The following MARCHF3 variants were observed in gnomAD, a reference collection of about 807,000 sequenced individuals.
MARCHF3 encodes the protein E3 ubiquitin-protein ligase MARCHF3.
A neutral mutation model predicts 24.2 loss-of-function variants in MARCHF3; 13 were observed. That is an observed-to-expected ratio of 0.54 (90% CI 0.35 to 0.85). The LOEUF is 0.85. Among genes scored for constraint, MARCHF3 ranks in the 40% least tolerant of loss-of-function variants. The probability of loss-of-function intolerance (pLI) is 0.01; values close to 1 mark genes in which losing one functional copy is unlikely to be tolerated. For synonymous variants in MARCHF3, 144 were observed against 137.3 expected (o/e 1.05, Z -0.34); for missense variants, 276 against 325.0 (o/e 0.85, Z 1.16).
intron 1 of MARCHF3, among the ~76,000 whole-genome samples, chr5:126,933,927 T>C (rs1367592426): frequency 6.6e-6 from 1 of 152,230 alleles, no homozygotes; most frequent in South Asian, 2.1e-4. Context: ...CTTGTGTATC[T>C]ACAAATGATT....
chr5:126,951,428 C>G (rs1483218686), intron 1 of MARCHF3, among the ~76,000 whole-genome samples: 3 of 152,172 alleles, frequency 2.0e-5, no homozygotes, highest in Non-Finnish European at 4.4e-5. Context: ...GTCCAACTGT[C>G]TATTTAACAT....
chr5:126,894,094 C>A (rs1358163960), intron 3 of MARCHF3, among the ~76,000 whole-genome samples: 5 of 141,798 alleles, frequency 3.5e-5, no homozygotes, highest in Non-Finnish European at 7.5e-5. Flanking sequence ...TCCGTTTTAT[C>A]AGAGACTAGG....
rs1325173875 is a variant in MARCHF3 at position 126,869,949 on chromosome 5, A to G, written c.*684T>C. 6.6e-6 allele frequency: 1 copy of G among 152,472 alleles called. No homozygotes were observed. Among genetic ancestry groups the G allele is most frequent in the Non-Finnish European group, 1.5e-5 (1 of 68,024 alleles). 9.4% of individuals were successfully genotyped at this position (152,472 alleles called of 1,614,324 possible). On this transcript the variant is annotated 3_prime_UTR_variant, in exon 5 of 5. Coordinates refer to ENST00000308660, the MANE Select transcript of MARCHF3 (RefSeq NM_178450.5). Reference sequence around the variant, plus strand: ...AGTTGAAAGGAGCGAGCTTCTCACCATATTTTTTTTTCTCCTTAATGATAT... The same window carrying G: ...AGTTGAAAGGAGCGAGCTTCTCACCGTATTTTTTTTTCTCCTTAATGATAT...
intron 3 of MARCHF3, among the ~76,000 whole-genome samples, chr5:126,893,610 T>C (rs1250627070): frequency 6.6e-6 from 1 of 150,794 alleles, no homozygotes; most frequent in Non-Finnish European, 1.5e-5. Context: ...TTGAGTGAGA[T>C]TCTTAACCCT....
At chr5:126,926,668 G>A (rs1749306918) in intron 1 of MARCHF3, among the ~76,000 whole-genome samples, 1 of 152,068 alleles carries the variant, frequency 6.6e-6, no homozygotes, top group South Asian at 2.1e-4. Context: ...GAACCTTGGG[G>A]TTGAGGAGAC....
chr5:126,926,046 A>T (rs977823415), intron 1 of MARCHF3, among the ~76,000 whole-genome samples: 2 of 152,124 alleles, frequency 1.3e-5, no homozygotes, highest in Middle Eastern at 3.2e-3. Context: ...CATTTTTTTT[A>T]AAAATCAGCA....
chr5:126,941,929 A>G (rs1428800996), intron 1 of MARCHF3, among the ~76,000 whole-genome samples: 1 of 152,180 alleles, frequency 6.6e-6, no homozygotes, highest in Non-Finnish European at 1.5e-5. Context: ...AGCGCTGGGC[A>G]GTATGCTCAT....
intron 3 of MARCHF3, among the ~76,000 whole-genome samples, chr5:126,902,453 T>C (rs548521993): frequency 6.6e-6 from 1 of 152,194 alleles, no homozygotes; most frequent in East Asian, 1.9e-4. Context: ...TGGGTTCTCA[T>C]TTGTATCCAA....
chr5:126,997,042 T>C (rs1322959456), intron 1 of MARCHF3, among the ~76,000 whole-genome samples: 1 of 152,180 alleles, frequency 6.6e-6, no homozygotes, highest in East Asian at 1.9e-4. Flanking sequence ...TAAAAGCAAC[T>C]CATATGATGA....
intron 3 of MARCHF3, among the ~76,000 whole-genome samples, chr5:126,892,545 C>A (rs368329378): frequency 1.4e-3 from 197 of 144,596 alleles, no homozygotes; most frequent in South Asian, 9.1e-3. Flanking sequence ...TATTGAGATA[C>A]TCATGTGGTT....
chr5:126,961,203 C>A (rs1388858171), intron 1 of MARCHF3, among the ~76,000 whole-genome samples: 1 of 152,090 alleles, frequency 6.6e-6, no homozygotes, highest in East Asian at 1.9e-4. Flanking sequence ...ATAGCAAGCA[C>A]AAACACAGGT....
At chr5:126,927,760 G>A (rs1749344723) in intron 1 of MARCHF3, among the ~76,000 whole-genome samples, 5 of 152,208 alleles carry the variant, frequency 3.3e-5, no homozygotes. Flanking sequence ...CCACTCAGAA[G>A]GAAGGTCCTG....
chr5:127,000,681 C>CTTTTAT (rs1188406096), intron 1 of MARCHF3, among the ~76,000 whole-genome samples: 1 of 152,080 alleles, frequency 6.6e-6, no homozygotes, highest in South Asian at 2.1e-4. Context: ...TGAGTTTGCC[C>CTTTTAT]TTTTATTTTT....
chr5:126,915,228 G>C, intron 2 of MARCHF3, 94 bp from the exon 3 acceptor site: 1 of 1,043,770 alleles, frequency 9.6e-7, no homozygotes, highest in Middle Eastern at 3.3e-4. Flanking sequence ...GCCCTCCCCA[G>C]AGGCAGCTGC....
intron 1 of MARCHF3, among the ~76,000 whole-genome samples, chr5:126,960,733 G>T (rs569749575): frequency 6.6e-6 from 1 of 152,040 alleles, no homozygotes; most frequent in South Asian, 2.1e-4. Context: ...TCACAGCAAT[G>T]ATATTTTGCC....
intron 1 of MARCHF3, among the ~76,000 whole-genome samples, chr5:126,929,681 T>G (rs1255533644): frequency 6.6e-6 from 1 of 152,170 alleles, no homozygotes; most frequent in Non-Finnish European, 1.5e-5. Flanking sequence ...TTGTATTTGT[T>G]GTTGTTTATA....
intron 3 of MARCHF3, among the ~76,000 whole-genome samples, chr5:126,897,693 G>T (rs1028387192): frequency 2.0e-5 from 3 of 152,032 alleles, no homozygotes; most frequent in Admixed American, 2.0e-4. Flanking sequence ...AACCATTGAC[G>T]CCTCTGGGCC....
intron 1 of MARCHF3, among the ~76,000 whole-genome samples, chr5:126,972,271 C>T (rs548697043): frequency 1.2e-3 from 186 of 150,898 alleles, no homozygotes; most frequent in Non-Finnish European, 2.1e-3. Flanking sequence ...AAAAAATTCC[C>T]AGAACCTCAA....
intron 1 of MARCHF3, among the ~76,000 whole-genome samples, chr5:126,933,232 T>G (rs12658138): frequency 0.093 from 14,175 of 152,186 alleles, 1,473 homozygotes; most frequent in African/African-American, 0.26. Context: ...CTTTCAAGGT[T>G]ACATAAAATA....
Sources: allele counts gnomAD v4.1 joint callset (sites outside exome capture counted in the v4.1 genomes callset), GRCh38; gene constraint gnomAD v4.1.1; transcripts MANE v1.5; gene names NCBI Gene and HGNC (gene_info 2026-07-23, HGNC 2026-07-21).